GPAT3: variants seen among roughly 807,000 people sequenced by gnomAD.
GPAT3 encodes 1-AGP acyltransferase 9.
Under a neutral mutation model 58.8 loss-of-function variants are expected in GPAT3, and 53 were observed. The ratio of observed to expected loss-of-function variants is 0.90; its 90% CI spans 0.72 to 1.13. The LOEUF (loss-of-function observed/expected upper bound fraction) is 1.13, where lower values mean the gene tolerates loss of function less well. GPAT3 is among the 50% of genes most tolerant of loss of function. The pLI is 0.00. For missense variants in GPAT3, 511 were observed against 527.6 expected (o/e 0.97, Z 0.31); for synonymous variants, 197 against 187.4 (o/e 1.05, Z -0.42).
chr4:83,560,920 C>T (rs1725104970), intron 2 of GPAT3, among the ~76,000 whole-genome samples: 1 of 152,158 alleles, frequency 6.6e-6, no homozygotes, highest in Non-Finnish European at 1.5e-5. Context: ...CCCAGGCCTC[C>T]CCAGAAGCAG....
rs183976410 is a variant in GPAT3 at position 83,568,741 on chromosome 4, G to A, written c.209-12821G>A. Among the ~76,000 whole-genome samples the A allele has an allele frequency of 2.0e-5, 3 of 152,106 alleles. No individual in the cohort carries two copies. The East Asian group carries it at 5.8e-4, about 29-fold the overall frequency. The stretch of plus-strand genomic sequence containing the variant: ...CCAGGATAGGCTCGATCTCCTGACA[G>A]GTGATCCACCCACCTCAGCCTCCAA... On this transcript the variant is annotated intron_variant, in intron 2 of 11. Transcript: ENST00000264409.
chr4:83,581,870 C>T (rs1300224684), intron 3 of GPAT3, 38 bp downstream of exon 3: 3 of 1,569,358 alleles, frequency 1.9e-6, no homozygotes, highest in Admixed American at 1.8e-5. Flanking sequence ...ATACGCTTGA[C>T]TCAGCTTTCT....
chr4:83,537,591 A>ATGTGTGTGTGTGTG (rs113407081), intron 1 of GPAT3, among the ~76,000 whole-genome samples: 11 of 145,172 alleles, frequency 7.6e-5, no homozygotes, highest in African/African-American at 2.6e-4. Context: ...TATGTATAAT[A>ATGTGTGTGTGTGTG]TGTGTGTGTG....
chr4:83,594,532 G>A (rs1273072565), intron 6 of GPAT3, among the ~76,000 whole-genome samples: 1 of 152,202 alleles, frequency 6.6e-6, no homozygotes, highest in Non-Finnish European at 1.5e-5. Context: ...TTGTCAGTGT[G>A]ATGGGTTTGA....
At chr4:83,575,108 C>T (rs1159261026) in intron 2 of GPAT3, among the ~76,000 whole-genome samples, 1 of 151,900 alleles carries the variant, frequency 6.6e-6, no homozygotes, top group African/African-American at 2.4e-5. Flanking sequence ...GATCTCCTGA[C>T]CTCGTGATCC....
At chr4:83,603,369 A>G (rs1727133116) in intron 11 of GPAT3, among the ~76,000 whole-genome samples, 1 of 152,230 alleles carries the variant, frequency 6.6e-6, no homozygotes, top group Non-Finnish European at 1.5e-5. Context: ...ACAGGCTCTG[A>G]ATGAAGGAAT....
At chr4:83,541,922 A>G (rs997703781) in intron 1 of GPAT3, among the ~76,000 whole-genome samples, 1 of 152,154 alleles carries the variant, frequency 6.6e-6, no homozygotes, top group South Asian at 2.1e-4. Flanking sequence ...TTGCATGTCC[A>G]AGTTTCCTCT....
Position 83,581,588 on chromosome 4 carries a change from A to G in GPAT3, c.235A>G (p.Met79Val), listed in dbSNP as rs1726129419. The change falls in exon 3 of 12, where the codon ATG (methionine) becomes GTG (valine). Residue 79 changes from methionine (M) to valine (V), a missense_variant. Met to Val is a conservative substitution (Grantham distance 21, BLOSUM62 1). Transcript: ENST00000264409. Reference sequence around the variant, plus strand: ...TATTATCCAAAGAGATGAGTCACCCATGGAAAAAGGGCTCTCTGGTCTACG... The same window carrying G: ...TATTATCCAAAGAGATGAGTCACCCGTGGAAAAAGGGCTCTCTGGTCTACG... ...VGIIQRDESP[M>V]EKGLSGLRGR... The G allele has an allele frequency of 4.3e-6, 7 of 1,614,094 alleles. No homozygotes were observed. The highest frequency in any genetic ancestry group is 2.7e-5 in the African/African-American group (2 of 75,040).
intron 2 of GPAT3, among the ~76,000 whole-genome samples, chr4:83,579,576 G>A (rs1262770510): frequency 6.6e-6 from 1 of 151,748 alleles, no homozygotes; most frequent in East Asian, 1.9e-4. Context: ...ACAGGCATAA[G>A]CCCCCATGCC....
chr4:83,547,366 C>T (rs1422805994), intron 2 of GPAT3, among the ~76,000 whole-genome samples: 1 of 150,388 alleles, frequency 6.6e-6, no homozygotes, highest in Non-Finnish European at 1.5e-5. Context: ...CATTCTCCTG[C>T]CTCAGCCTCC....
In GPAT3 at chr4:83,559,058, T is replaced by A. The variant is rs532962407; in HGVS notation, c.208+14456T>A. On this transcript the variant is annotated intron_variant, in intron 2 of 11. Transcript: ENST00000264409. ...AACACTTCTTGTTAGCAAAAAATGA[T>A]TAGAAAACTGGACCAGACTAGCAGG... is the stretch of plus-strand genomic sequence containing the variant. Among the ~76,000 whole-genome samples the A allele has an allele frequency of 3.3e-5, 5 of 152,328 alleles. No individual in the cohort carries two copies. In the South Asian group the frequency reaches 1.0e-3, roughly 32 times the overall value.
At chr4:83,536,940 G>T (rs147045581) in intron 1 of GPAT3, among the ~76,000 whole-genome samples, 177 bp downstream of exon 1, 1 of 152,302 alleles carries the variant, frequency 6.6e-6, no homozygotes, top group East Asian at 1.9e-4. Context: ...GGCTTCTTTC[G>T]CGGAGCTGGA....
At chr4:83,601,173 A>G (rs1727040157) in intron 11 of GPAT3, among the ~76,000 whole-genome samples, 1 of 152,230 alleles carries the variant, frequency 6.6e-6, no homozygotes, top group African/African-American at 2.4e-5. Context: ...TCTTGAATAA[A>G]TAACATCATT....
chr4:83,548,943 TG>T (rs1250615237), intron 2 of GPAT3, among the ~76,000 whole-genome samples: 1 of 152,168 alleles, frequency 6.6e-6, no homozygotes, highest in Non-Finnish European at 1.5e-5. Context: ...AATTTTTTTC[TG>T]TGAGGCAATT....
chr4:83,602,044 G>A (rs1303934336), intron 11 of GPAT3, among the ~76,000 whole-genome samples: 1 of 152,196 alleles, frequency 6.6e-6, no homozygotes, highest in Admixed American at 6.5e-5. Context: ...CTAAATGACA[G>A]AATCATAGCA....
Position 83,597,419 on chromosome 4 carries a change from C to T in GPAT3, c.911-11C>T. On this transcript the variant is annotated splice_polypyrimidine_tract_variant and intron_variant, in intron 8 of 11. Transcript: ENST00000264409. Reference sequence around the variant, plus strand: ...AAAAATATTCACGCTCCTACCCTCACCCCCTTGCAGGAACTTGCATCAACA... The same window carrying T: ...AAAAATATTCACGCTCCTACCCTCATCCCCTTGCAGGAACTTGCATCAACA... 6.7e-7 allele frequency: 1 copy of T among 1,500,214 alleles called. No homozygotes were observed. The highest frequency in any genetic ancestry group is 1.5e-5 in the South Asian group (1 of 68,414). 92.9% of individuals were successfully genotyped at this position (1,500,214 alleles called of 1,614,324 possible).
intron 2 of GPAT3, among the ~76,000 whole-genome samples, chr4:83,561,290 A>G (rs1725116373): frequency 6.6e-6 from 1 of 152,234 alleles, no homozygotes. Context: ...TTAATGCCAG[A>G]AAGAGATTAC....
intron 1 of GPAT3, among the ~76,000 whole-genome samples, chr4:83,541,393 CT>C (rs777665390): frequency 0.051 from 5,742 of 113,592 alleles, 262 homozygotes; most frequent in African/African-American, 0.18. Context: ...AATTTAAAAC[CT>C]TTTTTTTTTT....
intron 1 of GPAT3, 34 bp downstream of exon 1, chr4:83,536,797 C>A: frequency 6.4e-7 from 1 of 1,573,906 alleles, no homozygotes. Context: ...CAGCCCCACA[C>A]CGCTGCGGGC....
Sources: allele counts gnomAD v4.1 joint callset (sites outside exome capture counted in the v4.1 genomes callset), GRCh38; gene constraint gnomAD v4.1.1; transcripts MANE v1.5; gene names NCBI Gene and HGNC (gene_info 2026-07-23, HGNC 2026-07-21).